The following MTHFD2L variants were observed in gnomAD, a reference collection of about 807,000 sequenced individuals.
MTHFD2L encodes the protein bifunctional methylenetetrahydrofolate dehydrogenase/cyclohydrolase 2, mitochondrial.
MTHFD2L carries 29 observed loss-of-function variants against 34.9 expected under a neutral mutation model. The ratio of observed to expected loss-of-function variants is 0.83; its 90% CI spans 0.62 to 1.13. The LOEUF (loss-of-function observed/expected upper bound fraction) is 1.13. Ranked by LOEUF, MTHFD2L falls within the 50% of genes most tolerant of loss-of-function variation. The pLI is 0.00. For missense variants in MTHFD2L, 481 were observed against 446.5 expected (o/e 1.08, Z -0.70); for synonymous variants, 167 against 155.7 (o/e 1.07, Z -0.54).
At chr4:74,219,915 A>G (rs1405242454) in intron 5 of MTHFD2L, among the ~76,000 whole-genome samples, 1 of 152,108 alleles carries the variant, frequency 6.6e-6, no homozygotes, top group Non-Finnish European at 1.5e-5. Flanking sequence ...GAAATTACCT[A>G]CAAGGGTTTT....
chr4:74,262,935 T>C (rs1407473746), intron 6 of MTHFD2L, among the ~76,000 whole-genome samples: 2 of 151,950 alleles, frequency 1.3e-5, no homozygotes, highest in Non-Finnish European at 2.9e-5. Flanking sequence ...TTGGTGATAG[T>C]AAATAATTGA....
At chr4:74,187,875 A>C (rs898256717) in intron 3 of MTHFD2L, among the ~76,000 whole-genome samples, 1 of 151,486 alleles carries the variant, frequency 6.6e-6, no homozygotes, top group African/African-American at 2.4e-5. Context: ...TCCCCAAAAG[A>C]AAATGAAACA....
At chr4:74,283,221 T>C (rs1747721893) in intron 7 of MTHFD2L, among the ~76,000 whole-genome samples, 1 of 152,182 alleles carries the variant, frequency 6.6e-6, no homozygotes, top group Admixed American at 6.6e-5. Flanking sequence ...TACAAGACTC[T>C]TCTCTCATAG....
chr4:74,162,003 A>G (rs1725560455), intron 1 of MTHFD2L: 1 of 152,246 alleles, frequency 6.6e-6, no homozygotes, highest in Non-Finnish European at 1.5e-5. Context: ...GAGATTTGCT[A>G]TTAAGAAATT....
At chr4:74,273,311 A>G (rs1746225834) in intron 6 of MTHFD2L, among the ~76,000 whole-genome samples, 1 of 152,192 alleles carries the variant, frequency 6.6e-6, no homozygotes. Context: ...AAGGGGGAAC[A>G]AGTCAGAAGG....
chr4:74,149,916 T>G (rs476893), intron 1 of MTHFD2L, among the ~76,000 whole-genome samples: 150,047 of 152,320 alleles, frequency 0.99, 73,943 homozygotes, highest in East Asian at 1. Context: ...GAGATATGGA[T>G]ATTATCTTGA....
chr4:74,288,737 T>C (rs1422733895), intron 7 of MTHFD2L, among the ~76,000 whole-genome samples: 3 of 152,186 alleles, frequency 2.0e-5, no homozygotes, highest in Non-Finnish European at 4.4e-5. Flanking sequence ...GATCTTACCC[T>C]GAGCTTTCCA....
At chr4:74,290,703 C>T (rs904795241) in intron 7 of MTHFD2L, among the ~76,000 whole-genome samples, 9 of 151,882 alleles carry the variant, frequency 5.9e-5, no homozygotes, top group Non-Finnish European at 1.3e-4. Flanking sequence ...TCCATTCCCA[C>T]GAAAGTATTA....
chr4:74,196,089 T>G (rs1452725739), intron 3 of MTHFD2L, among the ~76,000 whole-genome samples: 1 of 152,112 alleles, frequency 6.6e-6, no homozygotes, highest in Non-Finnish European at 1.5e-5. Context: ...AGACAGACTG[T>G]GTCCTAAAAG....
chr4:74,176,646 G>A (rs1729105283), intron 3 of MTHFD2L, among the ~76,000 whole-genome samples: 1 of 152,008 alleles, frequency 6.6e-6, no homozygotes, highest in South Asian at 2.1e-4. Context: ...TATTTCTGTA[G>A]TGATCTGTGG....
intron 6 of MTHFD2L, among the ~76,000 whole-genome samples, chr4:74,248,135 T>G (rs1272259611): frequency 1.3e-5 from 2 of 151,542 alleles, no homozygotes; most frequent in Non-Finnish European, 3.0e-5. Flanking sequence ...TGGTAAGCTA[T>G]TGATTATTGC....
At chr4:74,247,153 A>C (rs1022313655) in intron 6 of MTHFD2L, among the ~76,000 whole-genome samples, 3 of 150,910 alleles carry the variant, frequency 2.0e-5, no homozygotes, top group East Asian at 2.0e-4. Flanking sequence ...CTTTTATTTC[A>C]TTGAGCAGTG....
At chr4:74,285,518 T>C (rs527503907) in intron 7 of MTHFD2L, among the ~76,000 whole-genome samples, 60 of 152,196 alleles carry the variant, frequency 3.9e-4, no homozygotes, top group Middle Eastern at 3.4e-3. Context: ...AGTTTAATTT[T>C]GCTAGTAGTT....
intron 6 of MTHFD2L, among the ~76,000 whole-genome samples, chr4:74,242,812 T>A (rs1323218721): frequency 6.6e-6 from 1 of 152,228 alleles, no homozygotes; most frequent in African/African-American, 2.4e-5. Flanking sequence ...GTCACATGTC[T>A]CTTTTCCTTG....
intron 1 of MTHFD2L, chr4:74,143,559 C>T: frequency 2.6e-6 from 1 of 387,430 alleles, no homozygotes; most frequent in Non-Finnish European, 3.5e-6. Flanking sequence ...AAAGCAGCTC[C>T]ATTTTCTATT....
chr4:74,201,333 G>T lies in MTHFD2L; in HGVS notation c.675G>T (p.Met225Ile). 1 of 1,613,842 alleles carries T rather than the reference G, an allele frequency of 6.2e-7. No homozygotes were observed. Among genetic ancestry groups the T allele is most frequent in the Non-Finnish European group, 8.5e-7 (1 of 1,179,860 alleles). ...AGAACGTAGGGATGCCTATTGCCAT[G>T]CTTTTACACACTGATGGAGAGCATG... Reference protein sequence around the residue: ...RSKNVGMPIAMLLHTDGEHER... With the variant: ...RSKNVGMPIAILLHTDGEHER... The change falls in exon 5 of 8, where the codon ATG (methionine) becomes ATT (isoleucine). Residue 225 changes from methionine (M) to isoleucine (I), a missense_variant. By Grantham distance (10) the Met-to-Ile change is conservative. Coordinates refer to ENST00000325278, the MANE Select transcript of MTHFD2L (RefSeq NM_001144978.3).
chr4:74,299,885 G>A (rs1445175695), intron 7 of MTHFD2L, among the ~76,000 whole-genome samples: 1 of 151,964 alleles, frequency 6.6e-6, no homozygotes, highest in African/African-American at 2.4e-5. Flanking sequence ...TATAGATGGT[G>A]GGGCTTTCAA....
At chr4:74,229,010 C>T (rs775362228) in intron 6 of MTHFD2L, among the ~76,000 whole-genome samples, 82 of 152,122 alleles carry the variant, frequency 5.4e-4, no homozygotes, top group Admixed American at 1.0e-3. Flanking sequence ...CTGTTCCTTG[C>T]TTTTTTATTT....
chr4:74,152,591 G>T (rs1362243907), intron 1 of MTHFD2L, among the ~76,000 whole-genome samples: 1 of 151,938 alleles, frequency 6.6e-6, no homozygotes, highest in East Asian at 1.9e-4. Context: ...ATACACCATG[G>T]TAGTTTGCTG....
Sources: allele counts gnomAD v4.1 joint callset (sites outside exome capture counted in the v4.1 genomes callset), GRCh38; gene constraint gnomAD v4.1.1; transcripts MANE v1.5; gene names NCBI Gene and HGNC (gene_info 2026-07-23, HGNC 2026-07-21).